Variants in EXO1 observed in about 807,000 individuals in gnomAD.
EXO1 encodes exonuclease 1.
A neutral mutation model predicts 84.5 loss-of-function variants in EXO1; 69 were observed. That is an observed-to-expected ratio of 0.82 (90% CI 0.67 to 1.00). The LOEUF is 1.00. Among genes scored for constraint, EXO1 ranks in the 50% least tolerant of loss-of-function variants. The probability of loss-of-function intolerance (pLI) is 0.00; values close to 1 mark genes in which losing one functional copy is unlikely to be tolerated. For missense variants in EXO1, 1,045 were observed against 1,000.7 expected (o/e 1.04, Z -0.60); for synonymous variants, 373 against 366.1 (o/e 1.02, Z -0.21).
chr1:241,866,823 T>G lies in EXO1; in HGVS notation c.1042-7T>G. On this transcript the variant is annotated splice_polypyrimidine_tract_variant and splice_region_variant and intron_variant, in intron 10 of 15. Coordinates refer to ENST00000366548, the MANE Select transcript of EXO1 (RefSeq NM_130398.4). ...TGCAAATAATCTTTTTCCTTTTCCT[T>G]TTCTAGCCTGCCCATTCAAGAAGTC... 6.3e-7 allele frequency: 1 copy of G among 1,588,088 alleles called. No individual in the cohort carries two copies. The highest frequency in any genetic ancestry group is 8.6e-7 in the Non-Finnish European group (1 of 1,156,302).
At chr1:241,849,276 G>C (rs1008350860) in intron 3 of EXO1, 60 bp downstream of exon 3, 1 of 152,212 alleles carries the variant, frequency 6.6e-6, no homozygotes, top group Non-Finnish European at 1.5e-5. Flanking sequence ...CTTAACGTTT[G>C]ATAGGAGAGA....
chr1:241,870,038 C>T (rs1662001110), intron 11 of EXO1, among the ~76,000 whole-genome samples: 1 of 152,176 alleles, frequency 6.6e-6, no homozygotes, highest in Non-Finnish European at 1.5e-5. Flanking sequence ...TCTTGAACTC[C>T]TGACCTCGTG....
chr1:241,853,560 G>A (rs1660786665), intron 6 of EXO1, 79 bp downstream of exon 6: 1 of 1,541,530 alleles, frequency 6.5e-7, no homozygotes, highest in East Asian at 2.3e-5. Flanking sequence ...AGAAAATCAA[G>A]GGTGGAAAAT....
At position 241,861,916 on chromosome 1, in the gene EXO1, T is replaced by C. The variant is rs4149924; in HGVS notation, c.1041+414T>C. Reference sequence around the variant, plus strand: ...ATATTTAATGCACGCCCCTGCTGTTTCTTTAAACAATTTGCTGTTTTCTTT... The same window carrying C: ...ATATTTAATGCACGCCCCTGCTGTTCCTTTAAACAATTTGCTGTTTTCTTT... On this transcript the variant is annotated intron_variant, in intron 10 of 15. Transcript: ENST00000366548. Among the ~76,000 whole-genome samples the C allele has an allele frequency of 7.0e-3, 1,030 of 146,194 alleles. 10 individuals carry two copies. Among genetic ancestry groups the C allele is most frequent in the African/African-American group, 0.026 (985 of 38,606 alleles).
intron 13 of EXO1, among the ~76,000 whole-genome samples, chr1:241,880,324 G>A (rs180737969): frequency 7.1e-4 from 108 of 152,280 alleles, no homozygotes; most frequent in Middle Eastern, 3.4e-3. Flanking sequence ...CTGTCAATTT[G>A]TGAGGATATT....
intron 5 of EXO1, 32 bp downstream of exon 5, chr1:241,852,443 C>T: frequency 6.3e-7 from 1 of 1,581,164 alleles, no homozygotes; most frequent in Non-Finnish European, 8.7e-7. Context: ...TCTCTAACTT[C>T]ATTGCACTAA....
intron 9 of EXO1, 89 bp downstream of exon 9, chr1:241,860,793 C>G: frequency 9.7e-7 from 1 of 1,029,460 alleles, no homozygotes; most frequent in East Asian, 2.4e-5. Flanking sequence ...TAGTAAAAAG[C>G]TTGCACATTA....
intron 15 of EXO1, among the ~76,000 whole-genome samples, chr1:241,886,182 C>CA (rs1009212898): frequency 3.3e-5 from 5 of 152,276 alleles, no homozygotes; most frequent in Admixed American, 2.0e-4. Context: ...GGGGTAGAAA[C>CA]ACAGTGCAAT....
intron 13 of EXO1, among the ~76,000 whole-genome samples, chr1:241,881,407 C>A (rs1327127093): frequency 6.6e-6 from 1 of 152,166 alleles, no homozygotes. Flanking sequence ...GAAGTCTTAT[C>A]TGATAGAATT....
intron 12 of EXO1, 59 bp downstream of exon 12, chr1:241,872,337 T>C (rs1348486570): frequency 6.4e-7 from 1 of 1,565,120 alleles, no homozygotes; most frequent in Non-Finnish European, 8.8e-7. Context: ...TGTTGGTATT[T>C]ATTTTGTCTT....
chr1:241,859,116 G>C (rs1661228581), intron 8 of EXO1, among the ~76,000 whole-genome samples: 1 of 152,116 alleles, frequency 6.6e-6, no homozygotes, highest in African/African-American at 2.4e-5. Flanking sequence ...GTAGGCGATA[G>C]CTATTGATAT....
chr1:241,872,275 G>T lies in EXO1; in HGVS notation c.1511G>T (p.Ser504Ile). ...GCAGTTGTGGTTCCAGGGACCAGAAGCAGGTATAGTTATGTCTCCAGAATG... is the reference window on the plus strand; with the variant it reads ...GCAGTTGTGGTTCCAGGGACCAGAATCAGGTATAGTTATGTCTCCAGAATG... ...SGAVVVPGTR[S>I]RFFCSSDSTD... The change falls in exon 12 of 16, where the codon AGC (serine) becomes ATC (isoleucine). Residue 504 changes from serine to isoleucine, a missense_variant. Transcript: ENST00000366548. 3.1e-6 allele frequency: 5 copies of T among 1,613,920 alleles called. No individual in the cohort carries two copies. Among genetic ancestry groups the T allele is most frequent in the Non-Finnish European group, 4.2e-6 (5 of 1,179,846 alleles).
At chr1:241,851,826 A>G (rs966230344) in intron 4 of EXO1, among the ~76,000 whole-genome samples, 4 of 152,242 alleles carry the variant, frequency 2.6e-5, no homozygotes, top group African/African-American at 9.6e-5. Context: ...TGTTGAGACA[A>G]GTGTACCAAT....
rs1243368200 is a variant in EXO1 at position 241,879,191 on chromosome 1, C to T, written c.1957C>T (p.Gln653Ter). Residue 653 changes from glutamine (Q) to a stop codon, truncating the protein, a stop_gained, in exon 13 of 16, where the codon CAG (glutamine) becomes TAG (stop). Transcript: ENST00000366548. LOFTEE classifies it high-confidence loss of function. ...TGAGAATAATATGTCTGATGTGTCG[C>T]AGTTAAAGAGCGAGGAGTCCAGTGA... ...LPENNMSDVS[Q>*]LKSEESSDDE... 7 of 1,603,836 alleles carry T rather than the reference C, an allele frequency of 4.4e-6. No individual in the cohort carries two copies. The highest frequency in any genetic ancestry group is 1.7e-4 in the Middle Eastern group (1 of 6,040).
intron 11 of EXO1, 113 bp from the exon 12 acceptor site, chr1:241,871,919 T>TG (rs1574164420): frequency 5.5e-6 from 4 of 731,908 alleles, no homozygotes; most frequent in East Asian, 2.7e-5. Context: ...TAGTTTTTTT[T>TG]TTTTTTTTTT....
chr1:241,886,870 T>A (rs1317353009), intron 15 of EXO1, among the ~76,000 whole-genome samples: 1 of 152,110 alleles, frequency 6.6e-6, no homozygotes, highest in African/African-American at 2.4e-5. Context: ...ATCTTTACTA[T>A]CTAGTTTGCA....
chr1:241,889,838 T>C lies in EXO1; in HGVS notation c.*238T>C, dbSNP rs1397620217. 1 of 504,468 alleles carries C rather than the reference T, an allele frequency of 2.0e-6. No homozygotes were observed. The highest frequency in any genetic ancestry group is 3.6e-6 in the Non-Finnish European group (1 of 281,650). 31.2% of individuals were successfully genotyped at this position (504,468 alleles called of 1,614,324 possible). ...TGTATCTCTGACAGGTTTTTGGAGG[T>C]TTTAGTGTTAATTGGGAAAATCCTC... is the stretch of plus-strand genomic sequence containing the variant. On this transcript the variant is annotated 3_prime_UTR_variant, in exon 16 of 16. Transcript: ENST00000366548.
In EXO1 at chr1:241,875,747, G is replaced by A. The variant is rs373449764; in HGVS notation, c.1515-3002G>A. 2.1e-3 allele frequency among the ~76,000 whole-genome samples: 322 copies of A among 152,278 alleles called. 1 individual carries two copies. Among genetic ancestry groups the A allele is most frequent in the African/African-American group, 7.4e-3 (307 of 41,554 alleles). On this transcript the variant is annotated intron_variant, in intron 12 of 15. Transcript: ENST00000366548. The stretch of plus-strand genomic sequence containing the variant: ...CAAAAAATTAGCCGGGCGTGGTGGC[G>A]GGCGCTAGTAGTCCCAGCTGTTTGG...
rs200820043 is a variant in EXO1 at position 241,885,451 on chromosome 1, C to T, written c.2349C>T (p.Asn783=). 1.1e-5 allele frequency: 18 copies of T among 1,613,834 alleles called. No homozygotes were observed. The East Asian group carries it at 1.3e-4, about 12-fold the overall frequency. Residue 783 remains asparagine, a synonymous_variant, in exon 15 of 16, where the codon AAC becomes AAT. Coordinates refer to ENST00000366548, the MANE Select transcript of EXO1 (RefSeq NM_130398.4). Reference sequence around the variant, plus strand: ...AGAGAAAGCATCATAATGCCGAGAACAAGCCGGGGTTACAGATCAAACTCA... The same window carrying T: ...AGAGAAAGCATCATAATGCCGAGAATAAGCCGGGGTTACAGATCAAACTCA... The part of the protein sequence containing the change: ...IQKRKHHNAE[N]KPGLQIKLNE...
Sources: gnomAD v4.1 joint callset for allele counts (sites outside exome capture counted in the v4.1 genomes callset) on GRCh38, gnomAD v4.1.1 for gene constraint, MANE v1.5 for transcripts, NCBI Gene and HGNC (gene_info 2026-07-23, HGNC 2026-07-21) for gene names.